ATAD2B: variants seen among roughly 807,000 people sequenced by gnomAD.
ATAD2B encodes the protein ATPase family AAA domain containing 2B.
Under a neutral mutation model 167.6 loss-of-function variants are expected in ATAD2B, and 40 were observed. The observed-to-expected ratio is 0.24, with a 90% CI of 0.19 to 0.31. The LOEUF (loss-of-function observed/expected upper bound fraction) is 0.31. Among genes scored for constraint, ATAD2B ranks in the 10% least tolerant of loss-of-function variants. The pLI is 1.00. For synonymous variants in ATAD2B, 579 were observed against 596.5 expected, an observed-to-expected ratio of 0.97 and a Z score of 0.43; for missense variants, 1,242 against 1,757.2, an observed-to-expected ratio of 0.71 and a Z score of 5.24.
chr2:23,809,801 C>T (rs777786759), intron 18 of ATAD2B, among the ~76,000 whole-genome samples: 3 of 152,002 alleles, frequency 2.0e-5, no homozygotes, highest in African/African-American at 7.3e-5. Context: ...ATAAACAGCC[C>T]CACTAGAACT....
chr2:23,717,279 C>T, the ATAD2B span, among the ~76,000 whole-genome samples: 1 of 151,986 alleles, frequency 6.6e-6, no homozygotes, highest in Non-Finnish European at 1.5e-5. Flanking sequence ...TGCACAGGGG[C>T]CATGCTGAGG....
intron 24 of ATAD2B, among the ~76,000 whole-genome samples, chr2:23,761,834 G>A (rs187808710): frequency 6.6e-6 from 1 of 152,260 alleles, no homozygotes; most frequent in East Asian, 1.9e-4. Context: ...ACACCCACAT[G>A]CGGGAGTGTC....
chr2:23,724,440 T>G, the ATAD2B span, among the ~76,000 whole-genome samples: 1 of 152,054 alleles, frequency 6.6e-6, no homozygotes, highest in Admixed American at 6.6e-5. Context: ...AAGAAAATTC[T>G]CTATTCTGAA....
the ATAD2B span, among the ~76,000 whole-genome samples, chr2:23,718,971 A>T: frequency 6.6e-6 from 1 of 152,204 alleles, no homozygotes; most frequent in African/African-American, 2.4e-5. Flanking sequence ...ATAATCTCCC[A>T]TCTTAAGATC....
the ATAD2B span, among the ~76,000 whole-genome samples, chr2:23,740,883 A>G: frequency 6.6e-6 from 1 of 152,220 alleles, no homozygotes; most frequent in Non-Finnish European, 1.5e-5. Flanking sequence ...ATGTACAAAA[A>G]TCACAAGCAC....
At chr2:23,910,173 CTTTTTTTTT>C (rs756806271) in intron 1 of ATAD2B, among the ~76,000 whole-genome samples, 1 of 106,898 alleles carries the variant, frequency 9.4e-6, no homozygotes, top group East Asian at 2.7e-4. Context: ...CTTGCATACT[CTTTTTTTTT>C]TTTTTTTTTT....
At chr2:23,834,732 A>T (rs1689651716) in intron 13 of ATAD2B, among the ~76,000 whole-genome samples, 1 of 152,078 alleles carries the variant, frequency 6.6e-6, no homozygotes, top group South Asian at 2.1e-4. Flanking sequence ...CAACTAAACA[A>T]TACAAAGACA....
At position 23,875,765 on chromosome 2, in the gene ATAD2B, A is replaced by G. The variant is rs115328364; in HGVS notation, c.977+64T>C. The G allele has an allele frequency of 8.3e-4, 908 of 1,088,008 alleles. 4 individuals are homozygous for G. The African/African-American group carries it at 0.013, about 15-fold the overall frequency. The allele number at this position is 1,088,008 out of a possible 1,614,324, so 67.4% of individuals were successfully genotyped here. On this transcript the variant is annotated intron_variant, in intron 8 of 27. Coordinates refer to ENST00000238789, the MANE Select transcript of ATAD2B (RefSeq NM_017552.4). ...ACAACTGTTAGTCACTAATTAAAGA[A>G]AGAAAGACACAATTAGTCTCTCATT... is the stretch of plus-strand genomic sequence containing the variant.
chr2:23,888,056 A>G, intron 3 of ATAD2B, 71 bp from the exon 4 acceptor site: 1 of 1,293,058 alleles, frequency 7.7e-7, no homozygotes, highest in Non-Finnish European at 1.0e-6. Context: ...AAAAAATCAA[A>G]AAATTACTTT....
the ATAD2B span, among the ~76,000 whole-genome samples, chr2:23,711,342 CTTTTTTTTTTTTTTTTTTTTTTTTTTTTT>C: frequency 2.5e-5 from 2 of 79,784 alleles, no homozygotes; most frequent in African/African-American, 4.9e-5. Flanking sequence ...GAATTTCTTT[CTTTTTTTTTTTTTTTTTTTTTTTTTTTTT>C]TTTTTTTTTT....
chr2:23,798,046 A>G, intron 19 of ATAD2B, 92 bp downstream of exon 19: 1 of 826,984 alleles, frequency 1.2e-6, no homozygotes. Context: ...TGGCAGTATT[A>G]ATTTTATAAT....
chr2:23,706,470 TC>T, the ATAD2B span: 1 of 1,469,274 alleles, frequency 6.8e-7, no homozygotes, highest in East Asian at 2.6e-5. Context: ...GTCCCCGCTT[TC>T]CCCCAACAGT....
chr2:23,710,969 G>A, the ATAD2B span, among the ~76,000 whole-genome samples: 15,458 of 152,154 alleles, frequency 0.1, 874 homozygotes, highest in Middle Eastern at 0.17. Context: ...CAACATGCCC[G>A]ACACTGTGCT....
chr2:23,899,676 C>T (rs1340965133), intron 1 of ATAD2B, among the ~76,000 whole-genome samples: 4 of 152,044 alleles, frequency 2.6e-5, no homozygotes, highest in African/African-American at 4.8e-5. Context: ...CTGCAAGCTC[C>T]GCCTCCTGGG....
At chr2:23,896,398 T>C (rs1177399629) in intron 1 of ATAD2B, among the ~76,000 whole-genome samples, 2 of 152,120 alleles carry the variant, frequency 1.3e-5, no homozygotes, top group Non-Finnish European at 2.9e-5. Context: ...TACTGAATTA[T>C]ACTACAAATA....
At chr2:23,918,425 A>T (rs1187796344) in intron 1 of ATAD2B, among the ~76,000 whole-genome samples, 1 of 152,100 alleles carries the variant, frequency 6.6e-6, no homozygotes, top group Non-Finnish European at 1.5e-5. Context: ...AAAAAAATTT[A>T]AAAATAAAAA....
At chr2:23,886,937 A>T (rs1273234921) in intron 4 of ATAD2B, among the ~76,000 whole-genome samples, 7 of 150,176 alleles carry the variant, frequency 4.7e-5, no homozygotes, top group Admixed American at 1.3e-4. Flanking sequence ...TCTCAAAAAA[A>T]AAAAAAGGGA....
At chr2:23,779,174 C>CTTTTTTTTTT (rs35835747) in intron 22 of ATAD2B, among the ~76,000 whole-genome samples, 1 of 97,396 alleles carries the variant, frequency 1.0e-5, no homozygotes, top group Non-Finnish European at 2.0e-5. Flanking sequence ...TTTTTCTTTT[C>CTTTTTTTTTT]TTTTTTTTTT....
At chr2:23,864,995 AAG>A (rs1694931083) in intron 10 of ATAD2B, 71 bp from the exon 11 acceptor site, 9 of 894,744 alleles carry the variant, frequency 1.0e-5, no homozygotes, top group East Asian at 6.1e-5. Context: ...AAATTTATAA[AAG>A]AGTCTTACGA....
Sources: gnomAD v4.1 joint callset for allele counts (sites outside exome capture counted in the v4.1 genomes callset) on GRCh38, gnomAD v4.1.1 for gene constraint, MANE v1.5 for transcripts, NCBI Gene and HGNC (gene_info 2026-07-23, HGNC 2026-07-21) for gene names.